KCNJ6: variants seen among roughly 807,000 people sequenced by gnomAD.
KCNJ6 encodes G protein-activated inward rectifier potassium channel 2.
Under a neutral mutation model 34.2 loss-of-function variants are expected in KCNJ6, and 9 were observed. That is an observed-to-expected ratio of 0.26 (90% CI 0.16 to 0.46). The LOEUF is 0.46. Ranked by LOEUF, KCNJ6 falls within the 20% of genes least tolerant of loss-of-function variation. The pLI is 1.00. For synonymous variants in KCNJ6, 196 were observed against 207.1 expected, an observed-to-expected ratio of 0.95 and a Z score of 0.46; for missense variants, 236 against 531.3, an observed-to-expected ratio of 0.44 and a Z score of 5.46.
chr21:37,783,566 G>C (rs763352619), intron 2 of KCNJ6, among the ~76,000 whole-genome samples: 1 of 152,072 alleles, frequency 6.6e-6, no homozygotes, highest in Non-Finnish European at 1.5e-5. Context: ...TCCTAGTCTC[G>C]GGTATGTTTT....
chr21:37,820,890 A>G (rs1341758607), intron 2 of KCNJ6, among the ~76,000 whole-genome samples: 3 of 152,258 alleles, frequency 2.0e-5, no homozygotes, highest in Admixed American at 6.5e-5. Context: ...TTTCTTGTGA[A>G]CAATGTCTTA....
intron 2 of KCNJ6, among the ~76,000 whole-genome samples, chr21:37,731,183 T>C (rs1017786534): frequency 2.0e-5 from 3 of 152,010 alleles, no homozygotes; most frequent in Non-Finnish European, 4.4e-5. Flanking sequence ...AGAAGAATCT[T>C]GCCTCACTCC....
At chr21:37,908,139 G>C (rs988812902) in intron 1 of KCNJ6, among the ~76,000 whole-genome samples, 1 of 152,194 alleles carries the variant, frequency 6.6e-6, no homozygotes, top group Non-Finnish European at 1.5e-5. Flanking sequence ...ATCTGAGTTA[G>C]GGAAATGGAA....
chr21:37,849,263 A>G (rs2055525720), intron 1 of KCNJ6, among the ~76,000 whole-genome samples: 1 of 152,072 alleles, frequency 6.6e-6, no homozygotes, highest in Non-Finnish European at 1.5e-5. Context: ...ACAGGCAGGA[A>G]TTTCCTGTTG....
At chr21:37,747,113 G>T (rs1414418478) in intron 2 of KCNJ6, among the ~76,000 whole-genome samples, 1 of 152,224 alleles carries the variant, frequency 6.6e-6, no homozygotes, top group Non-Finnish European at 1.5e-5. Flanking sequence ...AGAGGAAGGG[G>T]AATGGAGGCA....
At chr21:37,760,358 C>CA (rs2055054639) in intron 2 of KCNJ6, among the ~76,000 whole-genome samples, 2 of 152,220 alleles carry the variant, frequency 1.3e-5, no homozygotes, top group Admixed American at 1.3e-4. Context: ...TAAGGCCACA[C>CA]AGAGTCAGAA....
At chr21:37,817,112 C>A (rs1483345832) in intron 2 of KCNJ6, among the ~76,000 whole-genome samples, 1 of 152,174 alleles carries the variant, frequency 6.6e-6, no homozygotes, top group Non-Finnish European at 1.5e-5. Flanking sequence ...TCTATTAGCA[C>A]CAACCTCACG....
intron 1 of KCNJ6, among the ~76,000 whole-genome samples, chr21:37,851,228 T>C (rs910659863): frequency 9.9e-5 from 15 of 151,708 alleles, no homozygotes; most frequent in African/African-American, 3.6e-4. Flanking sequence ...ATACTATCCC[T>C]GCTGAACTCT....
At chr21:37,794,229 G>C (rs1335243641) in intron 2 of KCNJ6, among the ~76,000 whole-genome samples, 3 of 152,300 alleles carry the variant, frequency 2.0e-5, no homozygotes, top group Non-Finnish European at 4.4e-5. Context: ...TTCTCCATCT[G>C]TTGGTTGTGA....
intron 2 of KCNJ6, among the ~76,000 whole-genome samples, chr21:37,783,500 A>G (rs2055179273): frequency 6.6e-6 from 1 of 152,086 alleles, no homozygotes; most frequent in Non-Finnish European, 1.5e-5. Context: ...TCCCACCATG[A>G]TTCTAAGGCC....
At chr21:37,644,374 A>C (rs1026386553) in intron 3 of KCNJ6, among the ~76,000 whole-genome samples, 9 of 152,130 alleles carry the variant, frequency 5.9e-5, no homozygotes, top group Non-Finnish European at 1.2e-4. Context: ...CTGAACTTAA[A>C]ATAAAAGTTA....
chr21:37,774,622 A>T (rs908949789), intron 2 of KCNJ6, among the ~76,000 whole-genome samples: 3 of 149,866 alleles, frequency 2.0e-5, no homozygotes, highest in Non-Finnish European at 4.4e-5. Flanking sequence ...TCCTTGCCAT[A>T]GTTTGCTGAG....
chr21:37,679,967 A>AG, intron 3 of KCNJ6, among the ~76,000 whole-genome samples: 1 of 152,358 alleles, frequency 6.6e-6, no homozygotes, highest in South Asian at 2.1e-4. Context: ...TGTCAGCAGA[A>AG]GGGCTGGATA....
intron 1 of KCNJ6, among the ~76,000 whole-genome samples, chr21:37,888,082 T>C (rs1050279042): frequency 1.3e-5 from 2 of 152,236 alleles, no homozygotes; most frequent in African/African-American, 4.8e-5. Flanking sequence ...TGTTCCCAAT[T>C]GTCTCCATGA....
chr21:37,865,126 A>T (rs1359786375), intron 1 of KCNJ6, among the ~76,000 whole-genome samples: 1 of 152,254 alleles, frequency 6.6e-6, no homozygotes, highest in East Asian at 1.9e-4. Context: ...CCCAAACATA[A>T]TTTGTGTACA....
At chr21:37,689,544 C>A (rs1281426023) in intron 3 of KCNJ6, among the ~76,000 whole-genome samples, 1 of 152,114 alleles carries the variant, frequency 6.6e-6, no homozygotes, top group African/African-American at 2.4e-5. Flanking sequence ...ATCTGTCCAT[C>A]TATCTAACCA....
At chr21:37,656,191 T>A (rs2054463176) in intron 3 of KCNJ6, among the ~76,000 whole-genome samples, 2 of 152,194 alleles carry the variant, frequency 1.3e-5, no homozygotes, top group Non-Finnish European at 2.9e-5. Flanking sequence ...CCCTTCTCCC[T>A]GCTGAGCAGC....
chr21:37,807,421 T>C (rs1222233046), intron 2 of KCNJ6, among the ~76,000 whole-genome samples: 1 of 152,252 alleles, frequency 6.6e-6, no homozygotes, highest in Admixed American at 6.5e-5. Flanking sequence ...TCAAAGATGG[T>C]GAGAGATTCA....
chr21:37,691,644 GT>G (rs2054640270), intron 3 of KCNJ6, among the ~76,000 whole-genome samples: 1 of 152,156 alleles, frequency 6.6e-6, no homozygotes, highest in Non-Finnish European at 1.5e-5. Context: ...AGTGATTACG[GT>G]CTCTGTTCTA....
Sources: gnomAD v4.1 joint callset for allele counts (sites outside exome capture counted in the v4.1 genomes callset) on GRCh38, gnomAD v4.1.1 for gene constraint, MANE v1.5 for transcripts, NCBI Gene and HGNC (gene_info 2026-07-23, HGNC 2026-07-21) for gene names.